The following ANO1 variants were observed in gnomAD, a reference collection of about 807,000 sequenced individuals.
ANO1 encodes anoctamin 1, also known as anoctamin-1.
A neutral mutation model predicts 124.0 loss-of-function variants in ANO1; 59 were observed. The ratio of observed to expected loss-of-function variants is 0.48; its 90% confidence interval spans 0.39 to 0.59. ANO1 has a LOEUF of 0.59. Among genes scored for constraint, ANO1 ranks in the 20% least tolerant of loss-of-function variants. ANO1 has a pLI of 0.00. For synonymous variants in ANO1, 529 were observed against 532.0 expected (o/e 0.99, Z 0.08); for missense variants, 1,059 against 1,328.0 (o/e 0.80, Z 3.15).
intron 6 of ANO1, 107 bp from the exon 7 acceptor site, chr11:70,111,600 T>C (rs2045782038): frequency 9.0e-7 from 1 of 1,114,918 alleles, no homozygotes; most frequent in Admixed American, 1.8e-5. Flanking sequence ...TCGTTTCATT[T>C]TGAGAAGCTC....
At chr11:70,150,202 C>T (rs565675507) in intron 12 of ANO1, among the ~76,000 whole-genome samples, 2 of 152,286 alleles carry the variant, frequency 1.3e-5, no homozygotes, top group South Asian at 2.1e-4. Flanking sequence ...TCTGCCTCCC[C>T]GGGTGCCAAA....
At chr11:70,111,398 T>C (rs1447281203) in intron 6 of ANO1, among the ~76,000 whole-genome samples, 2 of 152,164 alleles carry the variant, frequency 1.3e-5, no homozygotes, top group Admixed American at 6.5e-5. Context: ...GGGGTGACAG[T>C]GAAGCCATGG....
At chr11:70,023,068 A>C (rs1286163201) in intron 1 of ANO1, among the ~76,000 whole-genome samples, 4 of 152,208 alleles carry the variant, frequency 2.6e-5, no homozygotes, top group African/African-American at 7.2e-5. Context: ...GAACCTCCAG[A>C]AGGAACAGCC....
intron 1 of ANO1, among the ~76,000 whole-genome samples, chr11:70,086,237 T>TAAAGCCA (rs2044375421): frequency 6.6e-6 from 1 of 152,080 alleles, no homozygotes; most frequent in Admixed American, 6.5e-5. Context: ...GCATGGCTTT[T>TAAAGCCA]TTTATTTTTT....
chr11:70,082,546 C>T (rs2044233149), intron 1 of ANO1, among the ~76,000 whole-genome samples: 1 of 152,184 alleles, frequency 6.6e-6, no homozygotes, highest in Non-Finnish European at 1.5e-5. Context: ...GGCGACAGAG[C>T]AAGAATTCGT....
chr11:70,112,549 T>A, intron 7 of ANO1, among the ~76,000 whole-genome samples: 1 of 98,234 alleles, frequency 1.0e-5, no homozygotes. Context: ...TCCTCTTTTC[T>A]TTTCTTTTTT....
At chr11:69,967,263 G>A in the ANO1 span, among the ~76,000 whole-genome samples, 2 of 151,038 alleles carry the variant, frequency 1.3e-5, no homozygotes, top group Non-Finnish European at 2.9e-5. Context: ...CCGAGCGCCT[G>A]TATTGCACGT....
chr11:70,129,171 G>T (rs958954911), intron 10 of ANO1: 4 of 152,264 alleles, frequency 2.6e-5, no homozygotes, highest in African/African-American at 4.8e-5. Context: ...GATAAACCCC[G>T]AAAGGCCGGC....
chr11:69,982,137 C>T (rs940016033), upstream of ANO1, among the ~76,000 whole-genome samples: 17 of 152,186 alleles, frequency 1.1e-4, no homozygotes, highest in African/African-American at 4.1e-4. Context: ...CACTAAATGC[C>T]ACCGAGTTGA....
At chr11:69,970,538 C>T in the ANO1 span, among the ~76,000 whole-genome samples, 6 of 152,226 alleles carry the variant, frequency 3.9e-5, no homozygotes, top group Non-Finnish European at 7.4e-5. Context: ...AGGTCTGAAG[C>T]GAAATGTTTA....
At chr11:70,106,399 T>C (rs1197955847) in intron 5 of ANO1, among the ~76,000 whole-genome samples, 5 of 152,322 alleles carry the variant, frequency 3.3e-5, no homozygotes, top group Middle Eastern at 3.4e-3. Flanking sequence ...ACTTTCGCTG[T>C]TATTCTCTAT....
At chr11:70,020,144 G>T (rs1235664064) in intron 1 of ANO1, among the ~76,000 whole-genome samples, 1 of 152,194 alleles carries the variant, frequency 6.6e-6, no homozygotes, top group African/African-American at 2.4e-5. Context: ...TCATTTGAGG[G>T]TACTCTTGTG....
chr11:70,171,149 G>T (rs889024457), intron 22 of ANO1, 110 bp downstream of exon 22: 2 of 1,420,816 alleles, frequency 1.4e-6, no homozygotes, highest in Non-Finnish European at 1.9e-6. Flanking sequence ...TGTCCCTCCT[G>T]GGGCTCTTCA....
At chr11:70,029,499 C>T (rs1856964765) in intron 1 of ANO1, among the ~76,000 whole-genome samples, 1 of 152,220 alleles carries the variant, frequency 6.6e-6, no homozygotes, top group Non-Finnish European at 1.5e-5. Context: ...TCTCCACCCC[C>T]AGATGACCTC....
intron 2 of ANO1, among the ~76,000 whole-genome samples, chr11:70,092,002 C>T (rs2044647478): frequency 6.6e-6 from 1 of 152,174 alleles, no homozygotes; most frequent in Admixed American, 6.5e-5. Flanking sequence ...GCTGTCATAG[C>T]TTTGGAGGTG....
chr11:70,146,410 C>A (rs926734829), intron 11 of ANO1, among the ~76,000 whole-genome samples: 3 of 152,150 alleles, frequency 2.0e-5, no homozygotes, highest in Admixed American at 6.5e-5. Context: ...ATGCTGCAAG[C>A]TGGCCAGTGC....
chr11:70,131,655 G>A (rs1052174682), intron 10 of ANO1, among the ~76,000 whole-genome samples: 10 of 152,206 alleles, frequency 6.6e-5, no homozygotes, highest in Admixed American at 2.0e-4. Flanking sequence ...CAGCAACAGG[G>A]GAGCATTAAA....
chr11:69,972,179 T>G, the ANO1 span, among the ~76,000 whole-genome samples: 1 of 100,198 alleles, frequency 1.0e-5, no homozygotes, highest in African/African-American at 4.0e-5. Context: ...AGAGCAAGAC[T>G]CCGTCTCAAA....
chr11:70,031,995 C>T (rs1857010463), intron 1 of ANO1, among the ~76,000 whole-genome samples: 1 of 152,170 alleles, frequency 6.6e-6, no homozygotes, highest in Admixed American at 6.5e-5. Flanking sequence ...CTTCGTTGGA[C>T]ATATTCACTG....
Sources: gnomAD v4.1 joint callset for allele counts (sites outside exome capture counted in the v4.1 genomes callset) on GRCh38, gnomAD v4.1.1 for gene constraint, MANE v1.5 for transcripts, NCBI Gene and HGNC (gene_info 2026-07-23, HGNC 2026-07-21) for gene names.